The following GLIS2 variants were observed in gnomAD, a reference collection of about 807,000 sequenced individuals.
GLIS2 encodes the protein GLIS family zinc finger 2, also known as zinc finger protein GLIS2.
GLIS2 carries 14 observed loss-of-function variants against 35.6 expected under a neutral mutation model. That is an observed-to-expected ratio of 0.39 (90% CI 0.26 to 0.61). The LOEUF is 0.61. Ranked by LOEUF, GLIS2 falls within the 20% of genes least tolerant of loss-of-function variation. The pLI, the probability that GLIS2 is intolerant of heterozygous loss-of-function variation, is 0.48. For synonymous variants in GLIS2, 368 were observed against 325.1 expected, an observed-to-expected ratio of 1.13 and a Z score of -1.42; for missense variants, 675 against 713.4, an observed-to-expected ratio of 0.95 and a Z score of 0.61.
intron 1 of GLIS2, among the ~76,000 whole-genome samples, chr16:4,317,425 G>A (rs547047865): frequency 2.2e-4 from 34 of 152,254 alleles, no homozygotes; most frequent in Admixed American, 6.5e-4. Flanking sequence ...GCCAGCCTGC[G>A]GCTGGGGAGG....
Position 4,332,228 on chromosome 16 carries a change from G to A in GLIS2, c.-53G>A. On this transcript the variant is annotated 5_prime_UTR_variant, in exon 2 of 7. Coordinates refer to ENST00000433375, the MANE Select transcript of GLIS2 (RefSeq NM_032575.3). This position sits in a 1 kb window ranked among gnomAD's most constrained non-coding sequence, Gnocchi z 5.4. ...GTCCTTCCCCAGGTTCCTGCGTGAA[G>A]ACCAGCTGGGAGCCCACTGCCTGCT... 6.3e-7 allele frequency: 1 copy of A among 1,594,858 alleles called. No homozygotes were observed. The highest frequency in any genetic ancestry group is 1.7e-5 in the Admixed American group (1 of 57,798).
At chr16:4,323,834 A>G (rs2053403045) in intron 1 of GLIS2, among the ~76,000 whole-genome samples, 1 of 152,216 alleles carries the variant, frequency 6.6e-6, no homozygotes, top group Non-Finnish European at 1.5e-5. Context: ...TATGGCAGGC[A>G]TGAGGACAAG....
rs2053367782 is a variant in GLIS2, at chr16:4,320,588, G to C, written c.-67+4334G>C. Among the ~76,000 whole-genome samples, 3 of 152,112 alleles carry C rather than the reference G, an allele frequency of 2.0e-5. No individual in the cohort carries two copies. Among genetic ancestry groups the C allele is most frequent in the Non-Finnish European group, 4.4e-5 (3 of 68,022 alleles). ...CTCCTGCCCCCCACGTCCACTGCAA[G>C]GGCATGACGGGGGCCAACGTGTCTG... On this transcript the variant is annotated intron_variant, in intron 1 of 6. Coordinates refer to ENST00000433375, the MANE Select transcript of GLIS2 (RefSeq NM_032575.3). This position sits in a 1 kb window ranked among gnomAD's most constrained non-coding sequence, Gnocchi z 5.6.
At chr16:4,321,613 C>T (rs2053380610) in intron 1 of GLIS2, among the ~76,000 whole-genome samples, 2 of 152,148 alleles carry the variant, frequency 1.3e-5, no homozygotes, top group African/African-American at 4.8e-5. Context: ...TTTTCTCATT[C>T]TGGGTTCCCT....
chr16:4,317,825 C>T (rs575670468), intron 1 of GLIS2, among the ~76,000 whole-genome samples: 1 of 152,256 alleles, frequency 6.6e-6, no homozygotes, highest in Non-Finnish European at 1.5e-5. Flanking sequence ...GGTGTGCGGA[C>T]CCCTTGGAAG....
At chr16:4,323,332 G>A (rs555845347) in intron 1 of GLIS2, among the ~76,000 whole-genome samples, 16 of 152,304 alleles carry the variant, frequency 1.1e-4, no homozygotes, top group Admixed American at 5.2e-4. Context: ...TGGGGGCTGC[G>A]GGGCGGGCTT....
In GLIS2 at chr16:4,332,215, G is replaced by C. The variant is rs2053504271; in HGVS notation, c.-66G>C. ...CAGCACAGCTCCTGTCCTTCCCCAGGTTCCTGCGTGAAGACCAGCTGGGAG... is the reference window on the plus strand; with the variant it reads ...CAGCACAGCTCCTGTCCTTCCCCAGCTTCCTGCGTGAAGACCAGCTGGGAG... On this transcript the variant is annotated splice_region_variant and 5_prime_UTR_variant, in exon 2 of 7. Transcript: ENST00000433375. This position sits in a 1 kb window ranked among gnomAD's most constrained non-coding sequence, Gnocchi z 5.4. 2 of 1,573,152 alleles carry C rather than the reference G, an allele frequency of 1.3e-6. No homozygotes were observed. Among genetic ancestry groups the C allele is most frequent in the Admixed American group, 1.8e-5 (1 of 55,416 alleles).
chr16:4,327,912 C>T (rs1332506807), intron 1 of GLIS2, among the ~76,000 whole-genome samples: 9 of 152,180 alleles, frequency 5.9e-5, no homozygotes, highest in Admixed American at 5.9e-4. Context: ...AGCCCTCGCC[C>T]CAACCCCTGG....
At chr16:4,318,750 C>G (rs895758569) in intron 1 of GLIS2, among the ~76,000 whole-genome samples, 1 of 152,244 alleles carries the variant, frequency 6.6e-6, no homozygotes, top group African/African-American at 2.4e-5. Context: ...TGTCCTCTCA[C>G]CACCTAATCC....
At chr16:4,318,703 T>A (rs2053342263) in intron 1 of GLIS2, among the ~76,000 whole-genome samples, 1 of 152,184 alleles carries the variant, frequency 6.6e-6, no homozygotes, top group Admixed American at 6.5e-5. Context: ...CCCTCCACCC[T>A]CCTTCCCGGC....
chr16:4,335,428 A>G lies in GLIS2; in HGVS notation c.775+35A>G. 1 of 1,594,308 alleles carries G rather than the reference A, an allele frequency of 6.3e-7. No homozygotes were observed. Among genetic ancestry groups the G allele is most frequent in the Non-Finnish European group, 8.6e-7 (1 of 1,163,394 alleles). On this transcript the variant is annotated intron_variant, in intron 6 of 6. Coordinates refer to ENST00000433375, the MANE Select transcript of GLIS2 (RefSeq NM_032575.3). The surrounding 1 kb of genome is among the most constrained non-coding windows in gnomAD (Gnocchi z 4.6). Reference sequence around the variant, plus strand: ...CGGGGCCGGGCGGCTTGGCCCATGAAGGGGGCGCTCAGCTGAGACCGGCTG... The same window carrying G: ...CGGGGCCGGGCGGCTTGGCCCATGAGGGGGGCGCTCAGCTGAGACCGGCTG...
chr16:4,331,615 T>A (rs1456085699), intron 1 of GLIS2: 2 of 156,388 alleles, frequency 1.3e-5, no homozygotes, highest in Non-Finnish European at 2.8e-5. Flanking sequence ...TTTTTCCACT[T>A]CTGAGCTCTG....
chr16:4,336,595 C>A, intron 6 of GLIS2, 130 bp from the exon 7 acceptor site: 1 of 919,626 alleles, frequency 1.1e-6, no homozygotes. Flanking sequence ...TGGGGATGCC[C>A]CCTGCCCCCA....
Position 4,337,765 on chromosome 16 carries a change from T to TC in GLIS2, c.*246dup. 1 of 611,572 alleles carries TC rather than the reference T, an allele frequency of 1.6e-6. No homozygotes were observed. Among genetic ancestry groups the TC allele is most frequent in the South Asian group, 1.9e-5 (1 of 52,458 alleles). 37.9% of individuals were successfully genotyped at this position (611,572 alleles called of 1,614,324 possible). On this transcript the variant is annotated 3_prime_UTR_variant, in exon 7 of 7. Transcript: ENST00000433375. ...GGTGCTGAAGCCTCGCTCCTGTCTG[T>TC]CCCCCACCACCTGGCCCTCAGCTTC...
Position 4,335,475 on chromosome 16 carries a change from G to A in GLIS2, c.775+82G>A. 8.1e-7 allele frequency: 1 copy of A among 1,229,316 alleles called. No individual in the cohort carries two copies. Among genetic ancestry groups the A allele is most frequent in the Non-Finnish European group, 1.2e-6 (1 of 836,364 alleles). The allele number at this position is 1,229,316 out of a possible 1,614,324, so 76.2% of individuals were successfully genotyped here. A position where few individuals can be genotyped will look rare whatever the true frequency, so the allele number is the denominator to read the frequency against. ...GCTGGGCAGGTCCCCAGGGGGAGGG[G>A]ACTGTTAAGTAAATCCCGGGCCTCA... is the stretch of plus-strand genomic sequence containing the variant. On this transcript the variant is annotated intron_variant, in intron 6 of 6. Transcript: ENST00000433375. The surrounding 1 kb of genome is among the most constrained non-coding windows in gnomAD (Gnocchi z 4.6).
chr16:4,317,392 T>G lies in GLIS2; in HGVS notation c.-67+1138T>G, dbSNP rs565079002. On this transcript the variant is annotated intron_variant, in intron 1 of 6. Transcript: ENST00000433375. Reference sequence around the variant, plus strand: ...TAGTAGGCCGCCATCCTGCGTGTCCTGGCATCCTGGAGGGAAGGTGGGGCC... The same window carrying G: ...TAGTAGGCCGCCATCCTGCGTGTCCGGGCATCCTGGAGGGAAGGTGGGGCC... 2.0e-5 allele frequency among the ~76,000 whole-genome samples: 3 copies of G among 152,226 alleles called. No homozygotes were observed. In the East Asian group the frequency reaches 5.8e-4, roughly 29 times the overall value.
rs1419513089 is a variant in GLIS2 at position 4,337,317 on chromosome 16, G to C, written c.1368G>C (p.Leu456=). 2 of 1,572,764 alleles carry C rather than the reference G, an allele frequency of 1.3e-6. No individual in the cohort carries two copies. Residue 456 remains leucine, a synonymous_variant, in exon 7 of 7, where the codon CTG becomes CTC. Transcript: ENST00000433375. ...KGRGSVPTRA[L]GMEGHKTPLE... ...GTGGGTCGGTGCCCACCAGGGCCCT[G>C]GGCATGGAGGGCCACAAGACGCCCC... is the stretch of plus-strand genomic sequence containing the variant.
chr16:4,326,397 G>T (rs1444359092), intron 1 of GLIS2: 1 of 152,240 alleles, frequency 6.6e-6, no homozygotes, highest in African/African-American at 2.4e-5. Flanking sequence ...TCCTCACATT[G>T]CCCTTGACAA....
chr16:4,324,656 A>T (rs1228937422), intron 1 of GLIS2: 1 of 152,300 alleles, frequency 6.6e-6, no homozygotes, highest in Non-Finnish European at 1.5e-5. Flanking sequence ...GCGACGATTC[A>T]TTCAGCACGT....
Sources: gnomAD v4.1 joint callset for allele counts (sites outside exome capture counted in the v4.1 genomes callset) on GRCh38, gnomAD v4.1.1 for gene constraint, Gnocchi (gnomAD v3.1) non-coding constraint, MANE v1.5 for transcripts, NCBI Gene and HGNC (gene_info 2026-07-23, HGNC 2026-07-21) for gene names.